ADD3: variants seen among roughly 807,000 people sequenced by gnomAD.
ADD3 encodes gamma-adducin.
ADD3 carries 25 observed loss-of-function variants against 80.2 expected under a neutral mutation model. The ratio of observed to expected loss-of-function variants is 0.31; its 90% CI spans 0.23 to 0.44. The LOEUF (loss-of-function observed/expected upper bound fraction) is 0.44, where lower values mean the gene tolerates loss of function less well. ADD3 is among the 20% of genes least tolerant of loss of function. The pLI is 1.00. For synonymous variants in ADD3, 284 were observed against 289.6 expected (o/e 0.98, Z 0.20); for missense variants, 829 against 847.5 (o/e 0.98, Z 0.27).
intron 1 of ADD3, among the ~76,000 whole-genome samples, chr10:110,081,134 C>T (rs558050304): frequency 2.2e-4 from 34 of 152,168 alleles, no homozygotes; most frequent in African/African-American, 7.7e-4. Context: ...TGGTGGTTAC[C>T]TTAGTTTCTT....
intron 1 of ADD3, among the ~76,000 whole-genome samples, chr10:110,012,300 G>A (rs1424239766): frequency 6.6e-6 from 1 of 152,142 alleles, no homozygotes; most frequent in African/African-American, 2.4e-5. Context: ...CTGAATATCT[G>A]GACCAGTCTC....
intron 2 of ADD3, among the ~76,000 whole-genome samples, chr10:110,110,410 T>C (rs1231609150): frequency 6.6e-6 from 1 of 152,134 alleles, no homozygotes; most frequent in Non-Finnish European, 1.5e-5. Flanking sequence ...TGAAAACCAG[T>C]CTTAAACTGT....
intron 1 of ADD3, among the ~76,000 whole-genome samples, chr10:110,059,805 A>G (rs1045496194): frequency 6.6e-6 from 1 of 152,316 alleles, no homozygotes; most frequent in East Asian, 1.9e-4. Context: ...CATTCATACA[A>G]GTATGAATTT....
Position 110,119,344 on chromosome 10 carries a change from C to G in ADD3, c.851C>G (p.Pro284Arg), listed in dbSNP as rs1851173559. 5 of 1,613,830 alleles carry G rather than the reference C, an allele frequency of 3.1e-6. No individual in the cohort carries two copies. The highest frequency in any genetic ancestry group is 1.3e-5 in the African/African-American group (1 of 74,866). Residue 284 changes from proline (P) to arginine (R), a missense_variant, in exon 7 of 15, where the codon CCA becomes CGA. Transcript: ENST00000356080. Reference sequence around the variant, plus strand: ...ATTCAACTGCAGAAGGTTCTGGGACCAAGTTGTAAGGTATGTAGTAGAGTT... The same window carrying G: ...ATTCAACTGCAGAAGGTTCTGGGACGAAGTTGTAAGGTATGTAGTAGAGTT... ...ERIQLQKVLG[P>R]SCKVLVLRNH...
chr10:110,004,138 GA>G (rs993946896), upstream of ADD3, among the ~76,000 whole-genome samples: 2 of 151,936 alleles, frequency 1.3e-5, no homozygotes, highest in Middle Eastern at 3.2e-3. Context: ...CCTGGTAGAT[GA>G]AATAAAAAGC....
intron 8 of ADD3, among the ~76,000 whole-genome samples, chr10:110,121,443 A>G (rs574596834): frequency 1.3e-5 from 2 of 152,308 alleles, no homozygotes; most frequent in South Asian, 4.1e-4. Context: ...ATATCGTGCC[A>G]TTGCACTCCA....
intron 1 of ADD3, among the ~76,000 whole-genome samples, chr10:110,032,192 T>C (rs1442614969): frequency 1.3e-5 from 2 of 152,192 alleles, no homozygotes; most frequent in South Asian, 2.1e-4. Flanking sequence ...AGAATAAGCA[T>C]ATTAAGCTGG....
chr10:110,066,947 A>G (rs959455585), intron 1 of ADD3, among the ~76,000 whole-genome samples: 5 of 152,218 alleles, frequency 3.3e-5, no homozygotes, highest in Non-Finnish European at 5.9e-5. Flanking sequence ...ATTTTTGTTT[A>G]CAAACTGGTA....
chr10:110,030,073 C>T (rs150871913), intron 1 of ADD3, among the ~76,000 whole-genome samples: 134 of 152,232 alleles, frequency 8.8e-4, no homozygotes, highest in African/African-American at 3.1e-3. Flanking sequence ...CCTGTAATCC[C>T]AGCACTTTGG....
At chr10:110,061,366 G>T (rs1219219996) in intron 1 of ADD3, among the ~76,000 whole-genome samples, 1 of 152,118 alleles carries the variant, frequency 6.6e-6, no homozygotes. Flanking sequence ...TTTTTTGGGT[G>T]GAGTGGTGGT....
chr10:110,097,001 A>C (rs1348807562), intron 1 of ADD3, among the ~76,000 whole-genome samples: 4 of 152,218 alleles, frequency 2.6e-5, no homozygotes, highest in African/African-American at 9.7e-5. Flanking sequence ...TGGTGAGCTC[A>C]GAATTGAACA....
chr10:110,111,649 C>T (rs1057144208), intron 2 of ADD3, among the ~76,000 whole-genome samples: 8 of 152,316 alleles, frequency 5.3e-5, no homozygotes, highest in Middle Eastern at 3.4e-3. Flanking sequence ...GGCGCGGTGG[C>T]TCACGCCTGT....
chr10:110,009,444 G>C (rs1352860461), intron 1 of ADD3, among the ~76,000 whole-genome samples: 1 of 152,102 alleles, frequency 6.6e-6, no homozygotes, highest in Non-Finnish European at 1.5e-5. Context: ...AAAAATAAGA[G>C]TACAGTGCAA....
intron 1 of ADD3, among the ~76,000 whole-genome samples, chr10:110,047,629 T>G (rs756122375): frequency 1.7e-4 from 26 of 152,222 alleles, no homozygotes; most frequent in Non-Finnish European, 2.2e-4. Flanking sequence ...ATTTAGGAAC[T>G]AATAGAGAAA....
At chr10:110,076,220 G>A (rs1013410693) in intron 1 of ADD3, among the ~76,000 whole-genome samples, 4 of 152,118 alleles carry the variant, frequency 2.6e-5, no homozygotes, top group African/African-American at 7.2e-5. Context: ...ACAGAAAACA[G>A]TATTGGTTAA....
chr10:110,122,779 G>A (rs957123546), intron 9 of ADD3, among the ~76,000 whole-genome samples: 3 of 151,620 alleles, frequency 2.0e-5, no homozygotes, highest in African/African-American at 7.3e-5. Context: ...GTGCCACCGT[G>A]CCTGGCTAAT....
intron 10 of ADD3, among the ~76,000 whole-genome samples, 157 bp downstream of exon 10, chr10:110,124,431 A>C (rs562676699): frequency 6.6e-6 from 1 of 152,228 alleles, no homozygotes; most frequent in Non-Finnish European, 1.5e-5. Context: ...CACTCTTCTA[A>C]GTGCCATACA....
In ADD3 at chr10:110,126,446, A is replaced by G. The variant is rs762351851; in HGVS notation, c.1551A>G (p.Lys517=). Residue 517 remains lysine (K), a synonymous_variant, in exon 12 of 15, where the codon AAA becomes AAG. Transcript: ENST00000356080. ...GGGAACAAAATCGATATGACTTGAA[A>G]ACAGCAGGACCACAATCTCAGTTGC... is the stretch of plus-strand genomic sequence containing the variant. ...KIREQNRYDL[K]TAGPQSQLLA... 1.2e-6 allele frequency: 2 copies of G among 1,613,734 alleles called. No individual in the cohort carries two copies. The highest frequency in any genetic ancestry group is 3.3e-5 in the Admixed American group (2 of 60,018).
chr10:110,122,871 G>C (rs191328547), intron 9 of ADD3, among the ~76,000 whole-genome samples: 35 of 151,682 alleles, frequency 2.3e-4, no homozygotes, highest in African/African-American at 6.5e-4. Context: ...GGCTCAAGCA[G>C]TCCTCCCACC....
Sources: gnomAD v4.1 joint callset for allele counts (sites outside exome capture counted in the v4.1 genomes callset) on GRCh38, gnomAD v4.1.1 for gene constraint, MANE v1.5 for transcripts, NCBI Gene and HGNC (gene_info 2026-07-23, HGNC 2026-07-21) for gene names.